Variants in RNF150 observed in about 807,000 individuals in gnomAD.
RNF150 encodes ring finger protein 150.
A neutral mutation model predicts 39.3 loss-of-function variants in RNF150; 24 were observed. That is an observed-to-expected ratio of 0.61 (90% CI 0.44 to 0.86). RNF150 has a LOEUF of 0.86. Among genes scored for constraint, RNF150 ranks in the 40% least tolerant of loss-of-function variants. The probability of loss-of-function intolerance (pLI) is 0.00; values close to 1 mark genes in which losing one functional copy is unlikely to be tolerated. For missense variants in RNF150, 502 were observed against 587.8 expected (o/e 0.85, Z 1.51); for synonymous variants, 255 against 227.3 (o/e 1.12, Z -1.10).
chr4:141,196,858 A>T (rs575650021), intron 1 of RNF150, among the ~76,000 whole-genome samples: 50 of 152,306 alleles, frequency 3.3e-4, no homozygotes, highest in Non-Finnish European at 6.2e-4. Flanking sequence ...CATCTCCCAG[A>T]ATCTGCCTTA....
chr4:140,983,620 T>C (rs1022250902), intron 1 of RNF150, among the ~76,000 whole-genome samples: 1 of 152,108 alleles, frequency 6.6e-6, no homozygotes, highest in Non-Finnish European at 1.5e-5. Context: ...TTATTACCTT[T>C]CCTGGGCATG....
intron 6 of RNF150, among the ~76,000 whole-genome samples, chr4:140,898,969 G>T (rs1348852036): frequency 6.6e-6 from 1 of 152,132 alleles, no homozygotes; most frequent in Admixed American, 6.6e-5. Context: ...TGGAACTCTG[G>T]TCTATAAATC....
chr4:140,935,760 C>A (rs558305998), intron 4 of RNF150, among the ~76,000 whole-genome samples: 1 of 152,232 alleles, frequency 6.6e-6, no homozygotes, highest in East Asian at 1.9e-4. Flanking sequence ...TATTGCATAG[C>A]TTCTTTGGTA....
chr4:140,949,209 C>T (rs2111375954), intron 3 of RNF150, 92 bp downstream of exon 3: 1 of 883,988 alleles, frequency 1.1e-6, no homozygotes, highest in East Asian at 2.4e-5. Flanking sequence ...ATTTCCCTTT[C>T]CCATCCTTTC....
chr4:141,052,361 C>T (rs1487440117), intron 1 of RNF150, among the ~76,000 whole-genome samples: 1 of 152,094 alleles, frequency 6.6e-6, no homozygotes, highest in Non-Finnish European at 1.5e-5. Flanking sequence ...ACATTAGCAA[C>T]AAAACCTTTT....
intron 1 of RNF150, among the ~76,000 whole-genome samples, chr4:141,085,521 T>A (rs992238620): frequency 3.3e-5 from 5 of 152,110 alleles, no homozygotes; most frequent in African/African-American, 1.2e-4. Flanking sequence ...GCCTGACATG[T>A]GAGTGAAGAT....
At chr4:140,920,362 CA>C (rs201773085) in intron 5 of RNF150, among the ~76,000 whole-genome samples, 70,475 of 135,202 alleles carry the variant, frequency 0.52, 19,022 homozygotes, top group East Asian at 0.88. Context: ...ACAACCCCAT[CA>C]AAAAGTGGGC....
At chr4:141,044,769 G>GCACA (rs1491269687) in intron 1 of RNF150, among the ~76,000 whole-genome samples, 53 of 77,532 alleles carry the variant, frequency 6.8e-4, no homozygotes, top group Admixed American at 1.9e-3. Context: ...CGGGTGTGCA[G>GCACA]CGCACACACA....
At chr4:140,913,844 G>A (rs1022943038) in intron 5 of RNF150, among the ~76,000 whole-genome samples, 1 of 152,160 alleles carries the variant, frequency 6.6e-6, no homozygotes, top group Non-Finnish European at 1.5e-5. Context: ...GGCATGATCT[G>A]CCCTAAATCA....
chr4:141,184,522 C>G (rs1175112223), intron 1 of RNF150, among the ~76,000 whole-genome samples: 1 of 152,096 alleles, frequency 6.6e-6, no homozygotes, highest in Admixed American at 6.6e-5. Flanking sequence ...CCTCATTTGT[C>G]AATTTTGGCT....
Position 140,860,066 on chromosome 4 carries a change from A to G in RNF150, c.*8195T>C, listed in dbSNP as rs1480312252. 1 of 152,134 alleles carries G rather than the reference A, an allele frequency of 6.6e-6. No homozygotes were observed. Among genetic ancestry groups the G allele is most frequent in the Non-Finnish European group, 1.5e-5 (1 of 68,022 alleles). The allele number at this position is 152,134 out of a possible 1,614,324, so 9.4% of individuals were successfully genotyped here. A position where few individuals can be genotyped will look rare whatever the true frequency, so the allele number is the denominator to read the frequency against. On this transcript the variant is annotated 3_prime_UTR_variant, in exon 7 of 7. Coordinates refer to ENST00000515673, the MANE Select transcript of RNF150 (RefSeq NM_020724.2). ...AGTTGATTACGCTCTCCAAGTACAAAGAGAATAGAATAAAGCAAAATAAAA... is the reference window on the plus strand; with the variant it reads ...AGTTGATTACGCTCTCCAAGTACAAGGAGAATAGAATAAAGCAAAATAAAA...
At chr4:141,149,654 C>T (rs1203152537) in intron 1 of RNF150, among the ~76,000 whole-genome samples, 1 of 152,164 alleles carries the variant, frequency 6.6e-6, no homozygotes, top group Non-Finnish European at 1.5e-5. Flanking sequence ...GGCATTTGGG[C>T]TCATTCCATA....
At chr4:141,130,275 T>C (rs1726856664) in intron 1 of RNF150, among the ~76,000 whole-genome samples, 2 of 152,224 alleles carry the variant, frequency 1.3e-5, no homozygotes, top group Non-Finnish European at 2.9e-5. Context: ...CAGAAATCAA[T>C]GCTAGCCTCT....
At chr4:140,969,704 G>A (rs1733384605) in intron 1 of RNF150, among the ~76,000 whole-genome samples, 1 of 149,300 alleles carries the variant, frequency 6.7e-6, no homozygotes, top group Non-Finnish European at 1.5e-5. Context: ...TTTGGGACAG[G>A]ATCTTGGGGT....
rs1287328466 is a variant in RNF150 at position 140,863,917 on chromosome 4, T to C, written c.*4344A>G. 2.0e-5 allele frequency: 3 copies of C among 151,852 alleles called. No homozygotes were observed. The highest frequency in any genetic ancestry group is 6.6e-5 in the Admixed American group (1 of 15,240). 9.4% of individuals were successfully genotyped at this position (151,852 alleles called of 1,614,324 possible). ...TTTATGCTCTGCAAAAATATCCATC[T>C]AAACAAAACTCATAAATAAGAAAGA... On this transcript the variant is annotated 3_prime_UTR_variant, in exon 7 of 7. Transcript: ENST00000515673.
intron 1 of RNF150, among the ~76,000 whole-genome samples, chr4:141,023,037 A>G (rs1189727291): frequency 2.0e-5 from 3 of 152,094 alleles, no homozygotes; most frequent in African/African-American, 7.2e-5. Flanking sequence ...TGTGAAATTC[A>G]TAATTATACA....
intron 4 of RNF150, among the ~76,000 whole-genome samples, chr4:140,940,976 A>G (rs944702347): frequency 3.9e-5 from 6 of 152,140 alleles, no homozygotes; most frequent in African/African-American, 1.4e-4. Context: ...AACCCTCCTG[A>G]GCTAAGCCCC....
At chr4:140,889,653 C>T (rs1014597224) in intron 6 of RNF150, among the ~76,000 whole-genome samples, 1 of 152,168 alleles carries the variant, frequency 6.6e-6, no homozygotes, top group African/African-American at 2.4e-5. Flanking sequence ...ACTGCGGTGT[C>T]TCCATCACTA....
At position 141,030,871 on chromosome 4, in the gene RNF150, T is replaced by C. The variant is rs192594707; in HGVS notation, c.485-62998A>G. Among the ~76,000 whole-genome samples the C allele has an allele frequency of 2.6e-5, 4 of 152,264 alleles. No homozygotes were observed. In the East Asian group the frequency reaches 7.7e-4, roughly 29 times the overall value. ...TCTGTTTTGCAAGATAAAAAAGCTC[T>C]AAAAATCTGTTGCACAACAATGTCA... On this transcript the variant is annotated intron_variant, in intron 1 of 6. Coordinates refer to ENST00000515673, the MANE Select transcript of RNF150 (RefSeq NM_020724.2).
Sources: allele counts gnomAD v4.1 joint callset (sites outside exome capture counted in the v4.1 genomes callset), GRCh38; gene constraint gnomAD v4.1.1; transcripts MANE v1.5; gene names NCBI Gene and HGNC (gene_info 2026-07-23, HGNC 2026-07-21).